The following KDM1B variants were observed in gnomAD, a reference collection of about 807,000 sequenced individuals.
The protein encoded by KDM1B is lysine-specific histone demethylase 2.
KDM1B carries 63 observed loss-of-function variants against 107.4 expected under a neutral mutation model. The observed-to-expected ratio is 0.59, with a 90% CI of 0.48 to 0.72. The LOEUF is 0.72. KDM1B is among the 30% of genes least tolerant of loss of function. KDM1B has a pLI of 0.00. For missense variants in KDM1B, 749 were observed against 1,020.8 expected, an observed-to-expected ratio of 0.73 and a Z score of 3.63; for synonymous variants, 363 against 363.9, an observed-to-expected ratio of 1.00 and a Z score of 0.03.
In KDM1B at chr6:18,196,139, ATGTTGT is replaced by A. The variant is rs546138730; in HGVS notation, c.970-915_970-910del. Among the ~76,000 whole-genome samples, 80 of 152,284 alleles carry A rather than the reference ATGTTGT, an allele frequency of 5.3e-4. 1 individual carries two copies. Among genetic ancestry groups the A allele is most frequent in the African/African-American group, 1.9e-3 (80 of 41,556 alleles). ...AACATAATGTGCTTCTGGTTCAACC[ATGTTGT>A]TGCAAATGACAGGATTTCCTTTTTT... On this transcript the variant is annotated intron_variant, in intron 10 of 21. Coordinates refer to ENST00000650836, the MANE Select transcript of KDM1B (RefSeq NM_001364614.2).
In KDM1B at chr6:18,205,970, G is replaced by A. The variant is rs1411611333; in HGVS notation, c.1659+306G>A. The stretch of plus-strand genomic sequence containing the variant: ...TCGCGCCACTGCACTCCAGCCTGGA[G>A]TCTCAAAATAAATAAATAAATAAAA... On this transcript the variant is annotated intron_variant, in intron 15 of 21. Transcript: ENST00000650836. The surrounding 1 kb of genome is among the most constrained non-coding windows in gnomAD (Gnocchi z 5.7). Among the ~76,000 whole-genome samples the A allele has an allele frequency of 1.3e-5, 2 of 150,834 alleles. No homozygotes were observed. The highest frequency in any genetic ancestry group is 5.0e-5 in the African/African-American group (2 of 40,332).
rs1361035275 is a variant in KDM1B, at chr6:18,213,633, C to T, written c.1984-23C>T. On this transcript the variant is annotated intron_variant, in intron 18 of 21. Transcript: ENST00000650836. This position sits in a 1 kb window ranked among gnomAD's most constrained non-coding sequence, Gnocchi z 5.9. Reference sequence around the variant, plus strand: ...TTTTGTGACGACAGACACCTAACCACCTTTCTTCTGCTCACTTTGCAGATT... The same window carrying T: ...TTTTGTGACGACAGACACCTAACCATCTTTCTTCTGCTCACTTTGCAGATT... The T allele has an allele frequency of 6.2e-7, 1 of 1,613,652 alleles. No individual in the cohort carries two copies. The highest frequency in any genetic ancestry group is 1.3e-5 in the African/African-American group (1 of 74,876).
Position 18,205,435 on chromosome 6 carries a change from G to A in KDM1B, c.1532-102G>A, listed in dbSNP as rs1439845781. The A allele has an allele frequency of 6.1e-6, 7 of 1,138,600 alleles. No homozygotes were observed. Among genetic ancestry groups the A allele is most frequent in the Middle Eastern group, 2.5e-4 (1 of 3,978 alleles). 70.5% of individuals were successfully genotyped at this position (1,138,600 alleles called of 1,614,324 possible). A position where few individuals can be genotyped will look rare whatever the true frequency, so the allele number is the denominator to read the frequency against. On this transcript the variant is annotated intron_variant, in intron 14 of 21. Transcript: ENST00000650836. The surrounding 1 kb of genome is among the most constrained non-coding windows in gnomAD (Gnocchi z 5.7). ...CTTTACTTGGGAAAAGACTTTGGAA[G>A]TTTTGGGTGTTGCTGGGTGACAGAG...
At chr6:18,199,802 A>G (rs1582174462) in intron 12 of KDM1B, among the ~76,000 whole-genome samples, 1 of 152,134 alleles carries the variant, frequency 6.6e-6, no homozygotes. Context: ...AAAATCACCT[A>G]AAGAAGTTTT....
intron 10 of KDM1B, among the ~76,000 whole-genome samples, chr6:18,194,283 G>A (rs1582158769): frequency 6.6e-6 from 1 of 152,162 alleles, no homozygotes; most frequent in South Asian, 2.1e-4. Context: ...CAAAGTGCTG[G>A]GATTACGTGC....
chr6:18,220,152 A>G (rs1789569197), intron 21 of KDM1B, among the ~76,000 whole-genome samples: 1 of 152,214 alleles, frequency 6.6e-6, no homozygotes, highest in Admixed American at 6.5e-5. Flanking sequence ...CCAAACTTAA[A>G]ATGAATTGTT....
In KDM1B at chr6:18,191,196, G is replaced by A. The variant is rs1388146398; in HGVS notation, c.785-1G>A. Reference sequence around the variant, plus strand: ...AGTTGCCCATTTGTGTTACCTATCAGTTCCAGGCATGAACCGATACTTCCA... The same window carrying A: ...AGTTGCCCATTTGTGTTACCTATCAATTCCAGGCATGAACCGATACTTCCA... On this transcript the variant is annotated splice_acceptor_variant, in intron 9 of 21. Transcript: ENST00000650836. LOFTEE classifies it high-confidence loss of function. The surrounding 1 kb of genome is among the most constrained non-coding windows in gnomAD (Gnocchi z 5.1). 1.3e-6 allele frequency: 2 copies of A among 1,550,028 alleles called. No homozygotes were observed. Among genetic ancestry groups the A allele is most frequent in the African/African-American group, 1.4e-5 (1 of 73,112 alleles).
At chr6:18,175,251 T>C (rs1432476023) in intron 7 of KDM1B, among the ~76,000 whole-genome samples, 2 of 152,228 alleles carry the variant, frequency 1.3e-5, no homozygotes, top group East Asian at 1.9e-4. Flanking sequence ...ATGTTGAGCA[T>C]TTTTTCATAT....
chr6:18,188,101 C>A, intron 9 of KDM1B, 99 bp downstream of exon 9: 1 of 1,102,644 alleles, frequency 9.1e-7, no homozygotes, highest in Non-Finnish European at 1.3e-6. Context: ...TTTAAATGTG[C>A]AGGCTGGGCA....
chr6:18,173,090 CAAAAA>C (rs70974708), intron 7 of KDM1B, among the ~76,000 whole-genome samples: 1 of 126,418 alleles, frequency 7.9e-6, no homozygotes, highest in African/African-American at 3.0e-5. Context: ...AACTCCATCT[CAAAAA>C]AAAAAAAAAA....
intron 9 of KDM1B, among the ~76,000 whole-genome samples, chr6:18,190,177 C>T (rs937628064): frequency 6.6e-6 from 1 of 151,724 alleles, no homozygotes; most frequent in African/African-American, 2.4e-5. Flanking sequence ...ATTTTAAAAA[C>T]GTACCTCCAT....
chr6:18,206,187 C>T (rs913989078), intron 15 of KDM1B, among the ~76,000 whole-genome samples: 2 of 148,458 alleles, frequency 1.3e-5, no homozygotes, highest in African/African-American at 5.0e-5. Context: ...AACTCTTCTT[C>T]AGATAATGCT....
chr6:18,168,146 A>G (rs558340695), intron 6 of KDM1B, among the ~76,000 whole-genome samples: 4 of 152,346 alleles, frequency 2.6e-5, no homozygotes, highest in East Asian at 3.9e-4. Context: ...TTCGTATAAC[A>G]TAAAATTAAC....
At chr6:18,221,792 G>C (rs1040726473) in intron 21 of KDM1B, 117 bp from the exon 22 acceptor site, 1 of 791,534 alleles carries the variant, frequency 1.3e-6, no homozygotes, top group African/African-American at 1.7e-5. Flanking sequence ...GTGAATATGA[G>C]CACACAGGAG....
In KDM1B at chr6:18,191,382, G is replaced by T. The variant is rs554900620; in HGVS notation, c.969+1G>T. ...CGCACTGTGGTATACTAACTGCAAA[G>T]TAAGTAAGGGCATGTTAGCCAATAG... On this transcript the variant is annotated splice_donor_variant, in intron 10 of 21. Transcript: ENST00000650836. LOFTEE classifies it high-confidence loss of function. This position sits in a 1 kb window ranked among gnomAD's most constrained non-coding sequence, Gnocchi z 5.1. 1 of 1,550,554 alleles carries T rather than the reference G, an allele frequency of 6.4e-7. No individual in the cohort carries two copies. Among genetic ancestry groups the T allele is most frequent in the South Asian group, 1.2e-5 (1 of 84,038 alleles).
In KDM1B at chr6:18,215,126, G is replaced by A. The variant is rs1457888727; in HGVS notation, c.2229G>A (p.Glu743=). Reference sequence around the variant, plus strand: ...CCACGCTCCGGGAGCTGTTCAAGGAGCAGGTGAGAGAGAGGAAGCCCTCCT... The same window carrying A: ...CCACGCTCCGGGAGCTGTTCAAGGAACAGGTGAGAGAGAGGAAGCCCTCCT... The part of the protein sequence containing the change: ...CMATLRELFK[E]QEVPDPTKYF... The change falls in exon 20 of 22, where the codon GAG becomes GAA. Residue 743 remains glutamate (E), a synonymous_variant. Coordinates refer to ENST00000650836, the MANE Select transcript of KDM1B (RefSeq NM_001364614.2). 6.8e-6 allele frequency: 11 copies of A among 1,611,630 alleles called. No individual in the cohort carries two copies. The highest frequency in any genetic ancestry group is 9.3e-6 in the Non-Finnish European group (11 of 1,179,468).
intron 7 of KDM1B, among the ~76,000 whole-genome samples, chr6:18,184,668 T>G (rs537092157): frequency 6.6e-6 from 1 of 151,546 alleles, no homozygotes; most frequent in African/African-American, 2.4e-5. Context: ...ATGCCATTGT[T>G]TGACTATAAT....
At chr6:18,177,979 A>G (rs189546804) in intron 7 of KDM1B, among the ~76,000 whole-genome samples, 2 of 152,182 alleles carry the variant, frequency 1.3e-5, no homozygotes, top group East Asian at 1.9e-4. Context: ...ATGTCTCCCA[A>G]CAGTGTTTTC....
At chr6:18,220,832 C>T (rs1008895515) in intron 21 of KDM1B, among the ~76,000 whole-genome samples, 1 of 150,452 alleles carries the variant, frequency 6.6e-6, no homozygotes, top group Non-Finnish European at 1.5e-5. Flanking sequence ...AGTGCAGTGG[C>T]GCGATCTTGG....
Sources: allele counts gnomAD v4.1 joint callset (sites outside exome capture counted in the v4.1 genomes callset), GRCh38; gene constraint gnomAD v4.1.1; non-coding constraint Gnocchi (gnomAD v3.1); transcripts MANE v1.5; gene names NCBI Gene and HGNC (gene_info 2026-07-23, HGNC 2026-07-21).